The following MTCH2 variants were observed in gnomAD, a reference collection of about 807,000 sequenced individuals.
MTCH2 encodes mitochondrial carrier 2, also known as mitochondrial carrier homolog 2.
Under a neutral mutation model 50.6 loss-of-function variants are expected in MTCH2, and 25 were observed. The ratio of observed to expected loss-of-function variants is 0.49; its 90% confidence interval spans 0.36 to 0.69. MTCH2 has a LOEUF of 0.69. Among genes scored for constraint, MTCH2 ranks in the 30% least tolerant of loss-of-function variants. The pLI is 0.00. For synonymous variants in MTCH2, 106 were observed against 132.0 expected (o/e 0.80, Z 1.35); for missense variants, 273 against 384.4 (o/e 0.71, Z 2.42).
At chr11:47,610,136 A>G in the MTCH2 span, among the ~76,000 whole-genome samples, 1 of 152,302 alleles carries the variant, frequency 6.6e-6, no homozygotes, top group Admixed American at 6.5e-5. Flanking sequence ...GCTAGGAGGC[A>G]GCTGACTTTG....
intron 12 of MTCH2, among the ~76,000 whole-genome samples, chr11:47,619,894 T>C (rs1387249589): frequency 1.3e-5 from 2 of 152,004 alleles, no homozygotes; most frequent in African/African-American, 2.4e-5. Flanking sequence ...CTGACTAACA[T>C]AGTGAAACCC....
Position 47,618,012 on chromosome 11 carries a change from T to C in MTCH2, c.*821A>G, listed in dbSNP as rs2097289692. The C allele has an allele frequency of 6.6e-6, 1 of 152,228 alleles. No individual in the cohort carries two copies. Among genetic ancestry groups the C allele is most frequent in the African/African-American group, 2.4e-5 (1 of 41,462 alleles). 9.4% of individuals were successfully genotyped at this position (152,228 alleles called of 1,614,324 possible). A position where few individuals can be genotyped will look rare whatever the true frequency, so the allele number is the denominator to read the frequency against. On this transcript the variant is annotated 3_prime_UTR_variant, in exon 13 of 13. Transcript: ENST00000302503. ...TAAGCACTGGCAAATACTTGGCTCT[T>C]AAAGAAGGGGGTTACTCCTGCAGGA...
At chr11:47,641,905 G>GA (rs546640984) in intron 1 of MTCH2, among the ~76,000 whole-genome samples, 193 of 144,794 alleles carry the variant, frequency 1.3e-3, no homozygotes, top group Non-Finnish European at 2.5e-3. Flanking sequence ...AGCATAAAAA[G>GA]AAAAAAAAAA....
At chr11:47,613,733 A>AG (rs11398771), downstream of MTCH2, among the ~76,000 whole-genome samples, 151,195 of 152,324 alleles carry the variant, frequency 0.99, 75,046 homozygotes, top group Middle Eastern at 1. Context: ...CTCTGTTGGG[A>AG]GCTTGTTCAC....
At chr11:47,638,545 CAAAAAAAAAA>C (rs59317101) in intron 3 of MTCH2, among the ~76,000 whole-genome samples, 144 bp downstream of exon 3, 1 of 53,068 alleles carries the variant, frequency 1.9e-5, no homozygotes, top group Non-Finnish European at 3.2e-5. Context: ...GACTCCATCT[CAAAAAAAAAA>C]AAAAAAAAAA....
chr11:47,640,413 T>C (rs2097312967), intron 1 of MTCH2, among the ~76,000 whole-genome samples: 1 of 152,184 alleles, frequency 6.6e-6, no homozygotes, highest in Non-Finnish European at 1.5e-5. Context: ...TATTTTTATT[T>C]AGTTACTTAT....
intron 11 of MTCH2, among the ~76,000 whole-genome samples, chr11:47,624,541 C>G (rs1315839003): frequency 2.0e-5 from 3 of 152,042 alleles, no homozygotes; most frequent in African/African-American, 4.8e-5. Context: ...TGGCTCACCC[C>G]TGTAATCCCA....
intron 5 of MTCH2, among the ~76,000 whole-genome samples, chr11:47,633,403 C>A (rs551488637): frequency 1.3e-5 from 2 of 148,882 alleles, no homozygotes; most frequent in Non-Finnish European, 3.0e-5. Context: ...AGCCACCACG[C>A]CCGGCCGTAT....
rs767811692 is a variant in MTCH2 at position 47,636,469 on chromosome 11, C to T, written c.280-898G>A. Among the ~76,000 whole-genome samples, 5 of 151,300 alleles carry T rather than the reference C, an allele frequency of 3.3e-5. No homozygotes were observed. The South Asian group carries it at 6.3e-4, about 19-fold the overall frequency. On this transcript the variant is annotated intron_variant, in intron 3 of 12. Coordinates refer to ENST00000302503, the MANE Select transcript of MTCH2 (RefSeq NM_014342.4). Reference sequence around the variant, plus strand: ...AAAAGGGGCCGGGCATGGTGCCTCACGCCTGTAATCCCAGCACTTTGCGTG... The same window carrying T: ...AAAAGGGGCCGGGCATGGTGCCTCATGCCTGTAATCCCAGCACTTTGCGTG...
chr11:47,624,626 C>A (rs1057073302), intron 11 of MTCH2, among the ~76,000 whole-genome samples: 1 of 152,058 alleles, frequency 6.6e-6, no homozygotes, highest in African/African-American at 2.4e-5. Flanking sequence ...CAAAGTGAGA[C>A]CCTGTGTCTT....
At chr11:47,630,903 G>T in intron 7 of MTCH2, 133 bp downstream of exon 7, 1 of 813,242 alleles carries the variant, frequency 1.2e-6, no homozygotes, top group Non-Finnish European at 1.9e-6. Flanking sequence ...ATTGTTTTTT[G>T]TGCAGATCAA....
Position 47,618,865 on chromosome 11 carries a change from T to C in MTCH2, c.880A>G (p.Thr294Ala), listed in dbSNP as rs1381196627. The change falls in exon 13 of 13, where the codon ACT becomes GCT. Residue 294 changes from threonine (T) to alanine (A), a missense_variant. By Grantham distance (58) the Thr-to-Ala change is moderately conservative. Around this residue, in one of 2 missense-constraint regions of MTCH2, gnomAD observed 70 missense variants for 140.1 expected, o/e 0.50. Transcript: ENST00000302503. ...LFFRKVPFGKTYCCDLKMLI is the reference protein window; with the variant it reads ...LFFRKVPFGKAYCCDLKMLI ...AACATTTTCAGGTCACAACAATAAG[T>C]CTTCCCAAAGGGGACCTTCCGGAAA... 1 of 1,607,326 alleles carries C rather than the reference T, an allele frequency of 6.2e-7. No homozygotes were observed. Among genetic ancestry groups the C allele is most frequent in the East Asian group, 2.2e-5 (1 of 44,666 alleles).
intron 9 of MTCH2, 73 bp downstream of exon 9, chr11:47,628,880 T>A: frequency 7.2e-7 from 1 of 1,395,662 alleles, no homozygotes; most frequent in Non-Finnish European, 1.0e-6. Flanking sequence ...GCCCGGCCCA[T>A]CTTACTTTAA....
At chr11:47,639,136 T>C (rs563703063) in intron 1 of MTCH2, 85 bp from the exon 2 acceptor site, 6 of 1,211,598 alleles carry the variant, frequency 5.0e-6, no homozygotes, top group South Asian at 1.4e-5. Flanking sequence ...AGAACACAAT[T>C]TGGGTTATTT....
At chr11:47,636,569 T>TA (rs2097308790) in intron 3 of MTCH2, among the ~76,000 whole-genome samples, 1 of 150,456 alleles carries the variant, frequency 6.6e-6, no homozygotes, top group Non-Finnish European at 1.5e-5. Context: ...CCCTCTCTAC[T>TA]AAAAATACAA....
chr11:47,626,812 C>T (rs945332370), intron 10 of MTCH2, among the ~76,000 whole-genome samples: 1 of 151,842 alleles, frequency 6.6e-6, no homozygotes, highest in Non-Finnish European at 1.5e-5. Context: ...GGGGATTCAT[C>T]ATGTTGGCCA....
Position 47,631,684 on chromosome 11 carries a change from C to T in MTCH2, c.397G>A (p.Ala133Thr), listed in dbSNP as rs1303055416. Residue 133 changes from alanine to threonine, a missense_variant, in exon 6 of 13, where the codon GCT becomes ACT. Ala to Thr is a moderately conservative substitution (Grantham distance 58). This residue lies in a region of MTCH2 where 203 missense variants were observed against 244.3 expected (regional missense o/e 0.83). Transcript: ENST00000302503. The stretch of plus-strand genomic sequence containing the variant: ...AAGGGATGTGTGATGAGGGTAGCAG[C>T]AGAACGAGCGATCATCTCTCGAGTT... ...ETTREMIARS[A>T]ATLITHPFHV... The T allele has an allele frequency of 6.2e-7, 1 of 1,614,078 alleles. No individual in the cohort carries two copies.
At chr11:47,623,367 GT>G (rs2097295056) in intron 11 of MTCH2, among the ~76,000 whole-genome samples, 1 of 94,350 alleles carries the variant, frequency 1.1e-5, no homozygotes, top group African/African-American at 4.0e-5. Context: ...GTAAGAACCA[GT>G]CTTTTTTTAA....
chr11:47,615,188 C>T (rs561995118), downstream of MTCH2, among the ~76,000 whole-genome samples: 2 of 152,002 alleles, frequency 1.3e-5, no homozygotes, highest in African/African-American at 4.8e-5. Flanking sequence ...CAGGTGCACA[C>T]CACCAAGCCT....
Sources: gnomAD v4.1 joint callset for allele counts (sites outside exome capture counted in the v4.1 genomes callset) on GRCh38, gnomAD v4.1.1 for gene constraint, gnomAD v4.1.1 regional missense constraint, MANE v1.5 for transcripts, NCBI Gene and HGNC (gene_info 2026-07-23, HGNC 2026-07-21) for gene names.